Variants in KCNQ4 observed in about 807,000 individuals in gnomAD.
The protein encoded by KCNQ4 is potassium voltage-gated channel subfamily Q member 4, also known as potassium voltage-gated channel subfamily KQT member 4.
Under a neutral mutation model 72.6 loss-of-function variants are expected in KCNQ4, and 31 were observed. That is an observed-to-expected ratio of 0.43 (90% confidence interval 0.32 to 0.58). The LOEUF is 0.58. Ranked by LOEUF, KCNQ4 falls within the 20% of genes least tolerant of loss-of-function variation. KCNQ4 has a pLI of 0.08. For synonymous variants in KCNQ4, 405 were observed against 403.7 expected (o/e 1.00, Z -0.04); for missense variants, 869 against 962.6 (o/e 0.90, Z 1.29).
intron 1 of KCNQ4, among the ~76,000 whole-genome samples, chr1:40,790,444 G>A (rs141497461): frequency 6.6e-6 from 1 of 152,304 alleles, no homozygotes; most frequent in African/African-American, 2.4e-5. Context: ...TAGGAGCTAT[G>A]TCTGCCTGTG....
chr1:40,819,925 G>A lies in KCNQ4; in HGVS notation c.885G>A (p.Leu295=), dbSNP rs1648236496. The change falls in exon 6 of 14, where the codon CTG becomes CTA. Residue 295 remains leucine, a synonymous_variant. Transcript: ENST00000347132. ...GTGACAAGACACCGCACACATGGCT[G>A]GGCAGGGTCCTGGCTGCTGGCTTCG... ...GYGDKTPHTW[L]GRVLAAGFAL... 6.2e-7 allele frequency: 1 copy of A among 1,614,084 alleles called. No individual in the cohort carries two copies. The highest frequency in any genetic ancestry group is 1.3e-5 in the African/African-American group (1 of 74,938).
At chr1:40,818,979 T>C in intron 4 of KCNQ4, 1 of 539,690 alleles carries the variant, frequency 1.9e-6, no homozygotes, top group Non-Finnish European at 3.4e-6. Context: ...TACCACAAAG[T>C]GGGCAGCTGA....
At position 40,788,416 on chromosome 1, in the gene KCNQ4, G is replaced by C. The variant is rs1220646951; in HGVS notation, c.314+4009G>C. Among the ~76,000 whole-genome samples the C allele has an allele frequency of 6.6e-6, 1 of 152,192 alleles. No homozygotes were observed. The highest frequency in any genetic ancestry group is 1.5e-5 in the Non-Finnish European group (1 of 68,030). On this transcript the variant is annotated intron_variant, in intron 1 of 13. Transcript: ENST00000347132. This position sits in a 1 kb window ranked among gnomAD's most constrained non-coding sequence, Gnocchi z 4.5. ...TAGTGGCCACCGGGCTTGGCTCTTG[G>C]AGTCTGAAATGAAATCTCTGGTTGT... is the stretch of plus-strand genomic sequence containing the variant.
At chr1:40,808,302 G>A (rs1006777929) in intron 1 of KCNQ4, among the ~76,000 whole-genome samples, 2 of 152,118 alleles carry the variant, frequency 1.3e-5, no homozygotes, top group Admixed American at 6.5e-5. Flanking sequence ...TCTCACACAG[G>A]CTGCTTCCTA....
At chr1:40,836,370 G>A (rs1648805996) in intron 12 of KCNQ4, among the ~76,000 whole-genome samples, 1 of 152,226 alleles carries the variant, frequency 6.6e-6, no homozygotes, top group Admixed American at 6.5e-5. Context: ...AATGAATGGA[G>A]CAAGTTTCGG....
chr1:40,804,817 CA>C lies in KCNQ4; in HGVS notation c.315-12428del, dbSNP rs34127672. The C allele has an allele frequency of 4.9e-3, 439 of 88,994 alleles. 1 individual carries two copies. Among genetic ancestry groups the C allele is most frequent in the Middle Eastern group, 0.012 (2 of 170 alleles). The allele number at this position is 88,994 out of a possible 1,614,324, so 5.5% of individuals were successfully genotyped here. On this transcript the variant is annotated intron_variant, in intron 1 of 13. Transcript: ENST00000347132. ...TGGGTAACAGAGTGAGACCCTGTCTCAAAAAAAAAAAAAAAAAAAAGTCACA... is the reference window on the plus strand; with the variant it reads ...TGGGTAACAGAGTGAGACCCTGTCTCAAAAAAAAAAAAAAAAAAAGTCACA...
chr1:40,813,690 C>T (rs913637641), intron 1 of KCNQ4, among the ~76,000 whole-genome samples: 9 of 152,064 alleles, frequency 5.9e-5, no homozygotes, highest in African/African-American at 1.9e-4. Context: ...ATGGCAGAGG[C>T]GACTGTGGTC....
At position 40,784,177 on chromosome 1, in the gene KCNQ4, C is replaced by A; in HGVS notation, c.84C>A (p.Ala28=). 1.1e-5 allele frequency: 12 copies of A among 1,119,960 alleles called. No homozygotes were observed. Among genetic ancestry groups the A allele is most frequent in the Non-Finnish European group, 1.3e-5 (12 of 912,210 alleles). The allele number at this position is 1,119,960 out of a possible 1,614,324, so 69.4% of individuals were successfully genotyped here. The part of the protein sequence containing the change: ...APRAELVALT[A]VQSEQGEAGG... ...GCGCGGAGCTAGTGGCGCTCACGGC[C>A]GTGCAGAGCGAACAGGGCGAGGCGG... The change falls in exon 1 of 14, where the codon GCC becomes GCA. Residue 28 remains alanine (A), a synonymous_variant. Transcript: ENST00000347132. This position sits in a 1 kb window ranked among gnomAD's most constrained non-coding sequence, Gnocchi z 4.1.
At position 40,838,539 on chromosome 1, in the gene KCNQ4, C is replaced by T. The variant is rs772514841; in HGVS notation, c.*16C>T. The T allele has an allele frequency of 1.9e-6, 3 of 1,611,550 alleles. No homozygotes were observed. Among genetic ancestry groups the T allele is most frequent in the Non-Finnish European group, 2.5e-6 (3 of 1,177,692 alleles). On this transcript the variant is annotated 3_prime_UTR_variant, in exon 14 of 14. Transcript: ENST00000347132. ...CATGGACTGAGGGACTTCTCAGAGG[C>T]AGGGCAGCACACGGCCAGCCCCGCG...
intron 1 of KCNQ4, among the ~76,000 whole-genome samples, chr1:40,800,387 T>C (rs571455993): frequency 2.0e-5 from 3 of 152,166 alleles, no homozygotes; most frequent in Non-Finnish European, 4.4e-5. Context: ...TATGAAGGTA[T>C]ATGTGTCAGG....
intron 1 of KCNQ4, among the ~76,000 whole-genome samples, chr1:40,811,079 T>A (rs775243503): frequency 6.6e-6 from 1 of 152,336 alleles, no homozygotes; most frequent in Non-Finnish European, 1.5e-5. Flanking sequence ...CGCCCTCTCC[T>A]TATCAGGGTG....
At chr1:40,822,510 AG>A (rs1204787371) in intron 8 of KCNQ4, 108 bp downstream of exon 8, 1 of 858,172 alleles carries the variant, frequency 1.2e-6, no homozygotes, top group Non-Finnish European at 1.9e-6. Context: ...GATGGCTCCC[AG>A]GGGAGCACCC....
At chr1:40,811,625 C>A (rs569460975) in intron 1 of KCNQ4, among the ~76,000 whole-genome samples, 1 of 152,178 alleles carries the variant, frequency 6.6e-6, no homozygotes, top group Non-Finnish European at 1.5e-5. Flanking sequence ...CCCTCCTGAA[C>A]GAGTGGGATA....
At chr1:40,824,977 GAAAGAAGAAC>G (rs1303127360) in intron 9 of KCNQ4, among the ~76,000 whole-genome samples, 1 of 152,148 alleles carries the variant, frequency 6.6e-6, no homozygotes, top group Non-Finnish European at 1.5e-5. Context: ...ACAAAATCTT[GAAAGAAGAAC>G]AAAGAACAAA....
intron 7 of KCNQ4, 23 bp from the exon 8 acceptor site, chr1:40,822,291 C>T (rs1257740870): frequency 1.2e-6 from 2 of 1,603,468 alleles, no homozygotes; most frequent in Middle Eastern, 1.7e-4. Flanking sequence ...ATGCCCCATC[C>T]CCCACGTCCC....
At position 40,820,249 on chromosome 1, in the gene KCNQ4, A is replaced by G. The variant is rs1376733025; in HGVS notation, c.1030A>G (p.Asn344Asp). ...HFEKRRMPAA[N>D]LIQAAWRLYS... ...CGAGAAGCGGAGGATGCCGGCAGCC[A>G]ACCTCATCCAGGTACAAGATGCCCG... is the stretch of plus-strand genomic sequence containing the variant. The change falls in exon 7 of 14, where the codon AAC becomes GAC. Residue 344 changes from asparagine to aspartate, a missense_variant. By Grantham distance (23) the Asn-to-Asp change is conservative. This residue lies in a region of KCNQ4 where 480 missense variants were observed against 501.9 expected (regional missense o/e 0.96). Coordinates refer to ENST00000347132, the MANE Select transcript of KCNQ4 (RefSeq NM_004700.4). 23 of 1,604,976 alleles carry G rather than the reference A, an allele frequency of 1.4e-5. No individual in the cohort carries two copies. Among genetic ancestry groups the G allele is most frequent in the Non-Finnish European group, 1.9e-5 (22 of 1,176,004 alleles).
At position 40,818,494 on chromosome 1, in the gene KCNQ4, C is replaced by T. The variant is rs1191060194; in HGVS notation, c.533-11C>T. On this transcript the variant is annotated splice_polypyrimidine_tract_variant and intron_variant, in intron 3 of 13. Coordinates refer to ENST00000347132, the MANE Select transcript of KCNQ4 (RefSeq NM_004700.4). ...AGGCTGGCTGTGATCTCGCCGCCCC[C>T]GCCCCTGCAGACTTCATCGTGTTCG... is the stretch of plus-strand genomic sequence containing the variant. 4.4e-6 allele frequency: 7 copies of T among 1,600,294 alleles called. No individual in the cohort carries two copies. The highest frequency in any genetic ancestry group is 1.1e-5 in the South Asian group (1 of 91,058).
intron 7 of KCNQ4, among the ~76,000 whole-genome samples, chr1:40,821,625 C>T (rs1375609979): frequency 6.6e-6 from 1 of 152,182 alleles, no homozygotes; most frequent in African/African-American, 2.4e-5. Context: ...TGGGCAGTGA[C>T]AGGCAGCTGG....
chr1:40,808,424 T>C (rs1189859384), intron 1 of KCNQ4, among the ~76,000 whole-genome samples: 1 of 152,206 alleles, frequency 6.6e-6, no homozygotes, highest in Non-Finnish European at 1.5e-5. Context: ...TCCTCGCTGC[T>C]GAGGATAATG....
Sources: gnomAD v4.1 joint callset for allele counts (sites outside exome capture counted in the v4.1 genomes callset) on GRCh38, gnomAD v4.1.1 for gene constraint, gnomAD v4.1.1 regional missense constraint, Gnocchi (gnomAD v3.1) non-coding constraint, MANE v1.5 for transcripts, NCBI Gene and HGNC (gene_info 2026-07-23, HGNC 2026-07-21) for gene names.